Variants in ZNF800 observed in about 807,000 individuals in gnomAD.
The protein encoded by ZNF800 is zinc finger protein 800.
In ZNF800, 13 loss-of-function variants were observed where a neutral mutation model predicts 59.5. The observed-to-expected ratio is 0.22, with a 90% CI of 0.14 to 0.35. The LOEUF is 0.35. Ranked by LOEUF, ZNF800 falls within the 10% of genes least tolerant of loss-of-function variation. The probability of loss-of-function intolerance (pLI) is 1.00; values close to 1 mark genes in which losing one functional copy is unlikely to be tolerated. For synonymous variants in ZNF800, 266 were observed against 265.7 expected (o/e 1.00, Z -0.01); for missense variants, 621 against 783.7 (o/e 0.79, Z 2.48).
chr7:127,344,097 T>C (rs1205031473), downstream of ZNF800, among the ~76,000 whole-genome samples: 1 of 151,960 alleles, frequency 6.6e-6, no homozygotes, highest in Non-Finnish European at 1.5e-5. Context: ...ACACATGAGG[T>C]ATAAATATTA....
intron 2 of ZNF800, among the ~76,000 whole-genome samples, chr7:127,387,453 T>C (rs1201914835): frequency 2.0e-5 from 3 of 152,222 alleles, no homozygotes; most frequent in East Asian, 1.9e-4. Flanking sequence ...GCTATGTATA[T>C]AGATACAGGC....
At chr7:127,388,963 C>T (rs1362885454) in intron 2 of ZNF800, among the ~76,000 whole-genome samples, 1 of 152,044 alleles carries the variant, frequency 6.6e-6, no homozygotes. Flanking sequence ...GGTTACATGA[C>T]CATTTAGAAA....
chr7:127,389,558 T>G (rs1801243261), intron 2 of ZNF800, among the ~76,000 whole-genome samples: 1 of 152,200 alleles, frequency 6.6e-6, no homozygotes, highest in Admixed American at 6.5e-5. Context: ...CATATTTCTT[T>G]CAGTCCTGGA....
chr7:127,344,896 A>G (rs2116997364), downstream of ZNF800, among the ~76,000 whole-genome samples: 1 of 152,308 alleles, frequency 6.6e-6, no homozygotes, highest in African/African-American at 2.4e-5. Context: ...AAATAGACAG[A>G]TATTTATATA....
chr7:127,355,064 T>C (rs1028970667), intron 1 of ZNF800, among the ~76,000 whole-genome samples: 4 of 152,046 alleles, frequency 2.6e-5, no homozygotes, highest in Admixed American at 2.6e-4. Flanking sequence ...AATGTAAGTA[T>C]AAAGAGGTAG....
chr7:127,348,508 C>T (rs1011892807), intron 1 of ZNF800, among the ~76,000 whole-genome samples: 3 of 150,594 alleles, frequency 2.0e-5, no homozygotes, highest in Non-Finnish European at 3.0e-5. Context: ...ACAGCGAATA[C>T]TAAACTGCTA....
At chr7:127,367,018 G>A (rs1800522879), downstream of ZNF800, among the ~76,000 whole-genome samples, 1 of 152,168 alleles carries the variant, frequency 6.6e-6, no homozygotes. Context: ...AAGATACAGA[G>A]TGAGGTAATT....
downstream of ZNF800, among the ~76,000 whole-genome samples, chr7:127,365,212 C>T (rs1800481334): frequency 6.6e-6 from 1 of 152,056 alleles, no homozygotes; most frequent in South Asian, 2.1e-4. Flanking sequence ...GTCACTATTA[C>T]TTAGTAGCAA....
At position 127,370,221 on chromosome 7, in the gene ZNF800, A is replaced by C. The variant is rs1800599297; in HGVS notation, c.*1593T>G. The stretch of plus-strand genomic sequence containing the variant: ...TCTGTTTTTAAATTAAAGAGAAATT[A>C]TTACTCTATTTCTTAGAAATAAAAC... On this transcript the variant is annotated 3_prime_UTR_variant, in exon 6 of 6. Transcript: ENST00000265827. 2 of 152,226 alleles carry C rather than the reference A, an allele frequency of 1.3e-5. No homozygotes were observed. Among genetic ancestry groups the C allele is most frequent in the Non-Finnish European group, 1.5e-5 (1 of 68,004 alleles). 9.4% of individuals were successfully genotyped at this position (152,226 alleles called of 1,614,324 possible).
intron 1 of ZNF800, among the ~76,000 whole-genome samples, chr7:127,348,723 A>G (rs1389021880): frequency 6.6e-6 from 1 of 152,242 alleles, no homozygotes; most frequent in African/African-American, 2.4e-5. Flanking sequence ...ATAAAGCTGC[A>G]GGTAACGCTT....
intron 4 of ZNF800, among the ~76,000 whole-genome samples, chr7:127,375,452 A>AT (rs1195516053): frequency 6.6e-6 from 1 of 152,080 alleles, no homozygotes; most frequent in Non-Finnish European, 1.5e-5. Flanking sequence ...TAAAAATGGC[A>AT]TTTTTTAGAA....
rs893295818 is a variant in ZNF800, at chr7:127,392,462, A to G, written c.-461T>C. The stretch of plus-strand genomic sequence containing the variant: ...CGCCGGGGCAACGGCTGCCGCCGCA[A>G]CCCGGGTCCCACCAGCGCCGCTCCA... On this transcript the variant is annotated 5_prime_UTR_variant, in exon 1 of 6. Transcript: ENST00000265827. 1 of 367,472 alleles carries G rather than the reference A, an allele frequency of 2.7e-6. No individual in the cohort carries two copies. Among genetic ancestry groups the G allele is most frequent in the African/African-American group, 2.1e-5 (1 of 47,604 alleles). 22.8% of individuals were successfully genotyped at this position (367,472 alleles called of 1,614,324 possible).
downstream of ZNF800, among the ~76,000 whole-genome samples, chr7:127,344,257 TA>T (rs1054557102): frequency 2.0e-5 from 3 of 151,788 alleles, no homozygotes; most frequent in Non-Finnish European, 4.4e-5. Flanking sequence ...TAGCCACTAA[TA>T]AAAAATGATG....
chr7:127,368,575 C>T (rs928700572), downstream of ZNF800, among the ~76,000 whole-genome samples: 1 of 152,120 alleles, frequency 6.6e-6, no homozygotes, highest in East Asian at 1.9e-4. Flanking sequence ...CTGCAGGAAA[C>T]CTGGAAACAT....
Position 127,379,836 on chromosome 7 carries a change from A to ACCCCCCCC in ZNF800, c.158-2508_158-2507insGGGGGGGG, listed in dbSNP as rs71179574. Reference sequence around the variant, plus strand: ...ACAAATGCTTCCCCTTACCCTTGCCACCCCCCCACCCCCCCACCCCCCCCA... The same window carrying ACCCCCCCC: ...ACAAATGCTTCCCCTTACCCTTGCCACCCCCCCCCCCCCCCACCCCCCCACCCCCCCCA... On this transcript the variant is annotated intron_variant, in intron 3 of 5. Coordinates refer to ENST00000265827, the MANE Select transcript of ZNF800 (RefSeq NM_176814.5). Among the ~76,000 whole-genome samples the ACCCCCCCC allele has an allele frequency of 6.5e-4, 18 of 27,652 alleles. 2 individuals carry two copies. The highest frequency in any genetic ancestry group is 2.6e-3 in the South Asian group (1 of 386). The allele number at this position is 27,652 out of a possible 152,430, so 18.1% of individuals were successfully genotyped here. A position where few individuals can be genotyped will look rare whatever the true frequency, so the allele number is the denominator to read the frequency against.
At chr7:127,378,426 TA>T (rs2117138591) in intron 3 of ZNF800, among the ~76,000 whole-genome samples, 1 of 152,206 alleles carries the variant, frequency 6.6e-6, no homozygotes, top group African/African-American at 2.4e-5. Context: ...AAAACTTTTT[TA>T]AAATGACAAT....
chr7:127,359,593 T>C (rs1800351786), intron 1 of ZNF800, among the ~76,000 whole-genome samples: 1 of 152,172 alleles, frequency 6.6e-6, no homozygotes, highest in South Asian at 2.1e-4. Flanking sequence ...AAATTAAGCA[T>C]GTGTAATCTT....
At position 127,373,843 on chromosome 7, in the gene ZNF800, T is replaced by C. The variant is rs780726907; in HGVS notation, c.1493A>G (p.Lys498Arg). 6 of 1,614,148 alleles carry C rather than the reference T, an allele frequency of 3.7e-6. No individual in the cohort carries two copies. In the South Asian group the frequency reaches 6.6e-5, roughly 18 times the overall value. Residue 498 changes from lysine (K) to arginine (R), a missense_variant, in exon 5 of 6, where the codon AAA becomes AGA. Lys to Arg is a conservative substitution (Grantham distance 26, BLOSUM62 2). This residue lies in a region of ZNF800 where 46 missense variants were observed against 118.4 expected (regional missense o/e 0.39). Coordinates refer to ENST00000265827, the MANE Select transcript of ZNF800 (RefSeq NM_176814.5). The part of the protein sequence containing the change: ...CKLCKRQFTS[K>R]QNLTKHIELH... Reference sequence around the variant, plus strand: ...CTCGATGTGTTTAGTCAAGTTCTGTTTGGAAGTAAACTGACGTTTACAAAG... The same window carrying C: ...CTCGATGTGTTTAGTCAAGTTCTGTCTGGAAGTAAACTGACGTTTACAAAG...
rs1800831156 is a variant in ZNF800 at position 127,377,910 on chromosome 7, T to C, written c.158-581A>G. On this transcript the variant is annotated intron_variant, in intron 3 of 5. Transcript: ENST00000265827. This position sits in a 1 kb window ranked among gnomAD's most constrained non-coding sequence, Gnocchi z 4.7. Reference sequence around the variant, plus strand: ...CAGGTTCTGGGCCAACATGGGATTATGGCTATTTAGCGTGATTCTCTACGA... The same window carrying C: ...CAGGTTCTGGGCCAACATGGGATTACGGCTATTTAGCGTGATTCTCTACGA... 6.6e-6 allele frequency among the ~76,000 whole-genome samples: 1 copy of C among 152,068 alleles called. No individual in the cohort carries two copies. The highest frequency in any genetic ancestry group is 2.4e-5 in the African/African-American group (1 of 41,450).
Sources: gnomAD v4.1 joint callset for allele counts (sites outside exome capture counted in the v4.1 genomes callset) on GRCh38, gnomAD v4.1.1 for gene constraint, gnomAD v4.1.1 regional missense constraint, Gnocchi (gnomAD v3.1) non-coding constraint, MANE v1.5 for transcripts, NCBI Gene and HGNC (gene_info 2026-07-23, HGNC 2026-07-21) for gene names.